Variants in SPHKAP observed in about 807,000 individuals in gnomAD.
SPHKAP encodes A-kinase anchor protein SPHKAP.
Under a neutral mutation model 137.5 loss-of-function variants are expected in SPHKAP, and 67 were observed. The ratio of observed to expected loss-of-function variants is 0.49; its 90% CI spans 0.40 to 0.60. The LOEUF (loss-of-function observed/expected upper bound fraction) is 0.60, where lower values mean the gene tolerates loss of function less well. Among genes scored for constraint, SPHKAP ranks in the 20% least tolerant of loss-of-function variants. The probability of loss-of-function intolerance (pLI) is 0.00; values close to 1 mark genes in which losing one functional copy is unlikely to be tolerated. For missense variants in SPHKAP, 2,097 were observed against 2,069.3 expected (o/e 1.01, Z -0.26); for synonymous variants, 813 against 785.3 (o/e 1.04, Z -0.59).
intron 7 of SPHKAP, among the ~76,000 whole-genome samples, chr2:228,014,566 A>G (rs1694494040): frequency 6.6e-6 from 1 of 152,204 alleles, no homozygotes; most frequent in Non-Finnish European, 1.5e-5. Flanking sequence ...ATTTCATCCA[A>G]TTGGAAAGTT....
chr2:228,063,384 A>G (rs1053214437), intron 3 of SPHKAP, among the ~76,000 whole-genome samples: 1 of 152,206 alleles, frequency 6.6e-6, no homozygotes, highest in African/African-American at 2.4e-5. Context: ...ATAAAGAGAG[A>G]GGGTGAATAG....
At chr2:228,080,740 A>G (rs1697337740) in intron 3 of SPHKAP, among the ~76,000 whole-genome samples, 2 of 28,312 alleles carry the variant, frequency 7.1e-5, no homozygotes, top group African/African-American at 3.0e-4. Context: ...AATAAAATAA[A>G]ATAAAATAAA....
intron 1 of SPHKAP, among the ~76,000 whole-genome samples, chr2:228,172,674 G>T (rs142403061): frequency 2.0e-4 from 31 of 152,256 alleles, no homozygotes; most frequent in African/African-American, 6.7e-4. Flanking sequence ...AGGGGATTAA[G>T]ACCACAAAGC....
intron 11 of SPHKAP, among the ~76,000 whole-genome samples, chr2:227,984,272 C>T (rs1693124778): frequency 6.8e-6 from 1 of 147,778 alleles, no homozygotes; most frequent in Non-Finnish European, 1.5e-5. Flanking sequence ...TGCACTTCAG[C>T]CTGGGTGACA....
intron 2 of SPHKAP, among the ~76,000 whole-genome samples, chr2:228,119,456 T>TACACACACACACACACACACACAC (rs55846474): frequency 0.027 from 3,647 of 136,368 alleles, 53 homozygotes; most frequent in African/African-American, 0.05. Context: ...AAGCCTAGTA[T>TACACACACACACACACACACACAC]ACACACACAC....
intron 1 of SPHKAP, among the ~76,000 whole-genome samples, chr2:228,176,027 C>G (rs911310235): frequency 3.9e-5 from 6 of 152,198 alleles, no homozygotes; most frequent in African/African-American, 1.4e-4. Context: ...AATACTGTCT[C>G]AAGCCTCACA....
At chr2:228,024,537 C>T (rs977780071) in intron 5 of SPHKAP, among the ~76,000 whole-genome samples, 20 of 152,058 alleles carry the variant, frequency 1.3e-4, no homozygotes, top group African/African-American at 2.7e-4. Flanking sequence ...AAAGCCTCCT[C>T]GTTTATTAAT....
At chr2:228,122,960 G>A (rs1343654777) in intron 2 of SPHKAP, among the ~76,000 whole-genome samples, 2 of 152,096 alleles carry the variant, frequency 1.3e-5, no homozygotes, top group Admixed American at 6.6e-5. Context: ...CTTAGCCTAA[G>A]TAGTCATTCT....
At chr2:228,030,333 G>A (rs1362247750) in intron 3 of SPHKAP, among the ~76,000 whole-genome samples, 2 of 151,970 alleles carry the variant, frequency 1.3e-5, no homozygotes, top group African/African-American at 4.8e-5. Context: ...GGCCAACGTG[G>A]TGAAACCCCG....
chr2:228,109,193 A>G lies in SPHKAP; in HGVS notation c.139-254T>C, dbSNP rs994502947. 1.5e-5 allele frequency: 3 copies of G among 200,830 alleles called. No homozygotes were observed. The East Asian group carries it at 5.5e-4, about 37-fold the overall frequency. 12.4% of individuals were successfully genotyped at this position (200,830 alleles called of 1,614,324 possible). On this transcript the variant is annotated intron_variant, in intron 2 of 11. Transcript: ENST00000392056. ...CTCTCATCAAATCCAACACCTGGAA[A>G]TGTCAATTGTGTAGCTTTTGCATAA...
intron 5 of SPHKAP, among the ~76,000 whole-genome samples, chr2:228,023,477 T>C (rs568011459): frequency 1.3e-5 from 2 of 152,344 alleles, no homozygotes; most frequent in South Asian, 2.1e-4. Flanking sequence ...CACTGGTCCA[T>C]AGCTTTTATT....
chr2:228,167,384 G>C (rs1441719722), intron 1 of SPHKAP, among the ~76,000 whole-genome samples: 1 of 152,166 alleles, frequency 6.6e-6, no homozygotes, highest in East Asian at 1.9e-4. Context: ...ATTAACACAA[G>C]TGAAGTCAAC....
chr2:228,010,060 T>A (rs1574740642), intron 7 of SPHKAP, among the ~76,000 whole-genome samples: 2 of 152,314 alleles, frequency 1.3e-5, no homozygotes, highest in South Asian at 2.1e-4. Context: ...CACCTCATTG[T>A]GCCCACTGAA....
intron 1 of SPHKAP, among the ~76,000 whole-genome samples, chr2:228,145,052 A>G (rs1574892160): frequency 6.6e-6 from 1 of 152,210 alleles, no homozygotes; most frequent in East Asian, 1.9e-4. Flanking sequence ...CTAGTTGTAT[A>G]TGCAGATAGG....
At chr2:228,096,986 C>CT (rs1013693744) in intron 3 of SPHKAP, among the ~76,000 whole-genome samples, 59 of 152,124 alleles carry the variant, frequency 3.9e-4, no homozygotes, top group African/African-American at 1.4e-3. Flanking sequence ...AGGTGTTTTT[C>CT]TTTTTTAAGC....
chr2:228,110,488 C>G (rs183905629), intron 2 of SPHKAP, among the ~76,000 whole-genome samples: 1 of 152,152 alleles, frequency 6.6e-6, no homozygotes, highest in East Asian at 1.9e-4. Context: ...TGCAGACTGA[C>G]GTTGGCTAGG....
chr2:228,027,973 A>AG lies in SPHKAP; in HGVS notation c.247-431_247-430insC, dbSNP rs1289607674. On this transcript the variant is annotated intron_variant, in intron 3 of 11. Transcript: ENST00000392056. ...GAGACTGCATCTGAAAAAAAAAAAA[A>AG]AAAGAAAAAAGAAAAAAAGAAATAG... The AG allele has an allele frequency of 2.4e-5, 23 of 972,506 alleles. No individual in the cohort carries two copies. In the East Asian group the frequency reaches 5.7e-4, roughly 24 times the overall value. 60.2% of individuals were successfully genotyped at this position (972,506 alleles called of 1,614,324 possible). A position where few individuals can be genotyped will look rare whatever the true frequency, so the allele number is the denominator to read the frequency against.
chr2:228,079,043 C>G (rs962637696), intron 3 of SPHKAP, among the ~76,000 whole-genome samples: 1 of 152,154 alleles, frequency 6.6e-6, no homozygotes, highest in Admixed American at 6.5e-5. Flanking sequence ...GATCCCCAAC[C>G]TTTTTGGCAC....
intron 4 of SPHKAP, 49 bp downstream of exon 4, chr2:228,027,435 G>C (rs375224295): frequency 1.3e-5 from 20 of 1,577,082 alleles, no homozygotes; most frequent in Non-Finnish European, 1.6e-5. Context: ...AAATCAAGTT[G>C]AATAGTCCTT....
Sources: gnomAD v4.1 joint callset for allele counts (sites outside exome capture counted in the v4.1 genomes callset) on GRCh38, gnomAD v4.1.1 for gene constraint, MANE v1.5 for transcripts, NCBI Gene and HGNC (gene_info 2026-07-23, HGNC 2026-07-21) for gene names.